The following ITPR2 variants were observed in gnomAD, a reference collection of about 807,000 sequenced individuals.
The protein encoded by ITPR2 is inositol 1,4,5-trisphosphate receptor type 2.
ITPR2 carries 207 observed loss-of-function variants against 317.1 expected under a neutral mutation model. The observed-to-expected ratio is 0.65, with a 90% CI of 0.58 to 0.73. The LOEUF (loss-of-function observed/expected upper bound fraction) is 0.73. Ranked by LOEUF, ITPR2 falls within the 30% of genes least tolerant of loss-of-function variation. The pLI is 0.00. For missense variants in ITPR2, 2,613 were observed against 3,284.0 expected, an observed-to-expected ratio of 0.80 and a Z score of 4.99; for synonymous variants, 1,156 against 1,149.1, an observed-to-expected ratio of 1.01 and a Z score of -0.12.
At chr12:26,617,658 C>T (rs796641630) in intron 26 of ITPR2, among the ~76,000 whole-genome samples, 7 of 106,150 alleles carry the variant, frequency 6.6e-5, no homozygotes, top group Admixed American at 9.8e-5. Context: ...AAAGGAGGGA[C>T]GGAGGGAGGG....
At chr12:26,503,221 G>T (rs867952048) in intron 37 of ITPR2, among the ~76,000 whole-genome samples, 1 of 18,830 alleles carries the variant, frequency 5.3e-5, no homozygotes, top group Non-Finnish European at 1.9e-4. Context: ...ACACACACAC[G>T]GATTAAGTGA....
At chr12:26,784,339 C>T (rs1476444296) in intron 2 of ITPR2, among the ~76,000 whole-genome samples, 1 of 52,782 alleles carries the variant, frequency 1.9e-5, no homozygotes, top group Non-Finnish European at 5.2e-5. Context: ...CTCCCTCTCC[C>T]TCTCCCTCTC....
chr12:26,617,893 G>C (rs1337501112), intron 26 of ITPR2, among the ~76,000 whole-genome samples: 1 of 152,098 alleles, frequency 6.6e-6, no homozygotes, highest in African/African-American at 2.4e-5. Context: ...ACAGAATCTA[G>C]CAATGTAAAA....
chr12:26,567,600 AT>A (rs1317480051), intron 34 of ITPR2, among the ~76,000 whole-genome samples: 1 of 152,128 alleles, frequency 6.6e-6, no homozygotes, highest in Admixed American at 6.6e-5. Flanking sequence ...TGAGAAAAAG[AT>A]TTTTTGAGTC....
chr12:26,674,494 T>C (rs1947862603), intron 13 of ITPR2, among the ~76,000 whole-genome samples: 1 of 152,234 alleles, frequency 6.6e-6, no homozygotes, highest in Non-Finnish European at 1.5e-5. Context: ...GCTAGCCATA[T>C]GTAGAAAGCT....
At chr12:26,752,818 G>A (rs780405438) in intron 2 of ITPR2, among the ~76,000 whole-genome samples, 6 of 152,142 alleles carry the variant, frequency 3.9e-5, no homozygotes, top group Non-Finnish European at 8.8e-5. Context: ...AGGGACTAGA[G>A]TGAGGAAACC....
intron 37 of ITPR2, among the ~76,000 whole-genome samples, chr12:26,507,825 G>T (rs2136906657): frequency 6.6e-6 from 1 of 150,400 alleles, no homozygotes; most frequent in South Asian, 2.1e-4. Context: ...GTGGAAGAAT[G>T]AGTCAATGAA....
chr12:26,552,963 G>A (rs1944565274), intron 36 of ITPR2, among the ~76,000 whole-genome samples: 1 of 152,170 alleles, frequency 6.6e-6, no homozygotes, highest in African/African-American at 2.4e-5. Flanking sequence ...GTTTGGTTGA[G>A]TTAGGTCGGT....
intron 55 of ITPR2, among the ~76,000 whole-genome samples, chr12:26,342,799 G>A (rs964459355): frequency 6.6e-6 from 1 of 151,950 alleles, no homozygotes; most frequent in African/African-American, 2.4e-5. Flanking sequence ...AGTAGAGATG[G>A]GGTTTCTTCA....
chr12:26,627,543 C>T (rs1215566465), intron 23 of ITPR2: 1 of 153,128 alleles, frequency 6.5e-6, no homozygotes, highest in Non-Finnish European at 1.5e-5. Flanking sequence ...CAAACACCCT[C>T]CACACCATTC....
chr12:26,747,730 G>C (rs750035606), intron 2 of ITPR2, among the ~76,000 whole-genome samples: 4 of 152,084 alleles, frequency 2.6e-5, no homozygotes, highest in African/African-American at 4.8e-5. Context: ...AATGGTTCAG[G>C]TTCTTCCAAC....
At chr12:26,529,658 A>T (rs1943900850) in intron 37 of ITPR2, among the ~76,000 whole-genome samples, 1 of 152,210 alleles carries the variant, frequency 6.6e-6, no homozygotes, top group Non-Finnish European at 1.5e-5. Flanking sequence ...TGGAACCTGG[A>T]ACAAGTAAAA....
intron 45 of ITPR2, among the ~76,000 whole-genome samples, chr12:26,459,428 G>A (rs1257587247): frequency 2.0e-5 from 3 of 152,190 alleles, no homozygotes; most frequent in African/African-American, 7.2e-5. Flanking sequence ...ATCCCACAGC[G>A]TTCTCTGTTC....
At chr12:26,471,621 T>C (rs1489628370) in intron 45 of ITPR2, among the ~76,000 whole-genome samples, 1 of 152,164 alleles carries the variant, frequency 6.6e-6, no homozygotes, top group Non-Finnish European at 1.5e-5. Flanking sequence ...AGAGATGTCA[T>C]GGCAGAAAAA....
At chr12:26,817,108 G>C (rs1024265706) in intron 1 of ITPR2, among the ~76,000 whole-genome samples, 1 of 148,064 alleles carries the variant, frequency 6.8e-6, no homozygotes, top group Non-Finnish European at 1.5e-5. Context: ...TTGAACCCGG[G>C]AGGCAGAGGT....
At chr12:26,382,301 A>G (rs1311549294) in intron 55 of ITPR2, among the ~76,000 whole-genome samples, 1 of 152,220 alleles carries the variant, frequency 6.6e-6, no homozygotes, top group African/African-American at 2.4e-5. Context: ...TTCCCTGAAC[A>G]ATATCCCAGA....
At chr12:26,721,306 T>G (rs745918897) in intron 5 of ITPR2, 1 of 617,060 alleles carries the variant, frequency 1.6e-6, no homozygotes, top group South Asian at 2.0e-5. Context: ...TATCACCAGA[T>G]AATTTATTAA....
At chr12:26,616,214 T>C (rs1946370069) in intron 26 of ITPR2, among the ~76,000 whole-genome samples, 1 of 152,132 alleles carries the variant, frequency 6.6e-6, no homozygotes, top group Non-Finnish European at 1.5e-5. Context: ...CTCGGCTCAC[T>C]GCAAGCTCCG....
intron 34 of ITPR2, among the ~76,000 whole-genome samples, chr12:26,567,270 C>T (rs1945005439): frequency 6.6e-6 from 1 of 152,142 alleles, no homozygotes; most frequent in Admixed American, 6.5e-5. Flanking sequence ...AACAATGCAG[C>T]CTTTTTATTA....
Sources: allele counts gnomAD v4.1 joint callset (sites outside exome capture counted in the v4.1 genomes callset), GRCh38; gene constraint gnomAD v4.1.1; transcripts MANE v1.5; gene names NCBI Gene and HGNC (gene_info 2026-07-23, HGNC 2026-07-21).